CNPPD1: variants seen among roughly 807,000 people sequenced by gnomAD.
The protein encoded by CNPPD1 is protein CNPPD1.
A neutral mutation model predicts 43.7 loss-of-function variants in CNPPD1; 40 were observed. The ratio of observed to expected loss-of-function variants is 0.92; its 90% CI spans 0.71 to 1.19. CNPPD1 has a LOEUF of 1.19. Among genes scored for constraint, CNPPD1 ranks in the 50% most tolerant of loss-of-function variants. The pLI is 0.00. For missense variants in CNPPD1, 511 were observed against 518.5 expected (o/e 0.99, Z 0.14); for synonymous variants, 208 against 214.3 (o/e 0.97, Z 0.26).
At chr2:219,177,008 A>C (rs1950182494), upstream of CNPPD1, 3 of 555,364 alleles carry the variant, frequency 5.4e-6, no homozygotes, top group Non-Finnish European at 9.5e-6. Flanking sequence ...CCCGGGCTGA[A>C]CTGGGCGCCT....
Position 219,176,322 on chromosome 2 carries a change from C to T in CNPPD1, c.79G>A (p.Gly27Arg). ...AGFQDFTFLPGHQKLSARIRR... is the reference protein window; with the variant it reads ...AGFQDFTFLPRHQKLSARIRR... ...ATCCGGGCACTCAGCTTCTGGTGTC[C>T]TGGGAGGAACTGAAACAGGGCAGGG... is the stretch of plus-strand genomic sequence containing the variant. Residue 27 changes from glycine (G) to arginine (R), a missense_variant, in exon 2 of 8, where the codon GGA becomes AGA. Coordinates refer to ENST00000360507, the MANE Select transcript of CNPPD1 (RefSeq NM_015680.6). The T allele has an allele frequency of 6.2e-7, 1 of 1,613,270 alleles. No individual in the cohort carries two copies. The highest frequency in any genetic ancestry group is 8.5e-7 in the Non-Finnish European group (1 of 1,179,180).
intron 5 of CNPPD1, 35 bp from the exon 6 acceptor site, chr2:219,174,242 T>G: frequency 6.2e-7 from 1 of 1,600,802 alleles, no homozygotes; most frequent in Non-Finnish European, 8.6e-7. Context: ...AAACCAGACT[T>G]GGATGAGCCA....
At position 219,172,773 on chromosome 2, in the gene CNPPD1, C is replaced by G; in HGVS notation, c.1046G>C (p.Cys349Ser). ...CQKLQRDSPT[C>S]HACLHPNRTV... Reference sequence around the variant, plus strand: ...ACGGTTGGGGTGGAGGCAGGCATGGCAGGTTGGGGAGTCTCTCTGGAGCTT... The same window carrying G: ...ACGGTTGGGGTGGAGGCAGGCATGGGAGGTTGGGGAGTCTCTCTGGAGCTT... Residue 349 changes from cysteine (C) to serine (S), a missense_variant, in exon 8 of 8, where the codon TGC becomes TCC. Transcript: ENST00000360507. 1 of 1,607,708 alleles carries G rather than the reference C, an allele frequency of 6.2e-7. No individual in the cohort carries two copies. The highest frequency in any genetic ancestry group is 2.2e-5 in the East Asian group (1 of 44,796).
At chr2:219,173,996 GGACA>G (rs1418158986) in intron 6 of CNPPD1, 146 bp downstream of exon 6, 6 of 758,310 alleles carry the variant, frequency 7.9e-6, no homozygotes, top group Non-Finnish European at 1.4e-5. Flanking sequence ...ATGAAGAAGA[GGACA>G]GATGGGTCTG....
intron 1 of CNPPD1, 58 bp downstream of exon 1, chr2:219,176,702 C>G (rs554660407): frequency 1.5e-6 from 2 of 1,324,148 alleles, no homozygotes; most frequent in African/African-American, 1.5e-5. Context: ...CTCGCAGCGC[C>G]GCTCAGGCCG....
rs749426097 is a variant in CNPPD1, at chr2:219,172,842, G to A, written c.977C>T (p.Pro326Leu). The A allele has an allele frequency of 1.9e-6, 3 of 1,589,000 alleles. No individual in the cohort carries two copies. ...ATGAAGAAGAGTGGGAGGGGCAGGG[G>A]GGTCTGGGGGAGGCAATGGTGGAGG... is the stretch of plus-strand genomic sequence containing the variant. ...LTPPPLPPPD[P>L]PAPPTLLHNC... Residue 326 changes from proline to leucine, a missense_variant, in exon 8 of 8, where the codon CCC becomes CTC. Pro to Leu is a moderately conservative substitution (Grantham distance 98, BLOSUM62 -3). Transcript: ENST00000360507.
At chr2:219,178,055 G>A (rs1047715512), upstream of CNPPD1, 78 of 189,164 alleles carry the variant, frequency 4.1e-4, no homozygotes, top group African/African-American at 1.7e-3. Context: ...TAAGAAAACG[G>A]GCTCGACTGC....
In CNPPD1 at chr2:219,172,552, C is replaced by T. The variant is rs568037181; in HGVS notation, c.*34G>A. 9.3e-6 allele frequency: 15 copies of T among 1,611,132 alleles called. No homozygotes were observed. The East Asian group carries it at 2.7e-4, about 29-fold the overall frequency. On this transcript the variant is annotated 3_prime_UTR_variant, in exon 8 of 8. Transcript: ENST00000360507. Reference sequence around the variant, plus strand: ...TGCTCCTCCAGGTTCTCAGAAACTCCCAAACCCTCTTAATGCATTCCTCAC... The same window carrying T: ...TGCTCCTCCAGGTTCTCAGAAACTCTCAAACCCTCTTAATGCATTCCTCAC...
intron 3 of CNPPD1, 77 bp from the exon 4 acceptor site, chr2:219,175,185 C>CT: frequency 6.7e-7 from 1 of 1,487,550 alleles, no homozygotes; most frequent in Non-Finnish European, 8.9e-7. Flanking sequence ...TCGTTCCTGT[C>CT]TTTACCTCTT....
At chr2:219,173,171 C>T in intron 7 of CNPPD1, 43 bp from the exon 8 acceptor site, 14 of 1,519,166 alleles carry the variant, frequency 9.2e-6, no homozygotes, top group African/African-American at 1.4e-5. Flanking sequence ...GTCTTTAACA[C>T]ATTCACCCCT....
chr2:219,174,023 T>C (rs1574770298), intron 6 of CNPPD1, 123 bp downstream of exon 6: 2 of 938,586 alleles, frequency 2.1e-6, no homozygotes, highest in Admixed American at 1.8e-5. Flanking sequence ...AACCACTATC[T>C]GGGCAATTCT....
intron 2 of CNPPD1, among the ~76,000 whole-genome samples, chr2:219,175,967 A>G (rs1010009322): frequency 3.9e-5 from 6 of 152,244 alleles, no homozygotes; most frequent in Non-Finnish European, 8.8e-5. Flanking sequence ...TGGGGAACAT[A>G]TGATGGATAT....
chr2:219,172,775 G>C lies in CNPPD1; in HGVS notation c.1044C>G (p.Thr348=). 2 of 1,608,620 alleles carry C rather than the reference G, an allele frequency of 1.2e-6. No individual in the cohort carries two copies. The highest frequency in any genetic ancestry group is 1.7e-6 in the Non-Finnish European group (2 of 1,177,220). Residue 348 remains threonine (T), a synonymous_variant, in exon 8 of 8, where the codon ACC becomes ACG. Coordinates refer to ENST00000360507, the MANE Select transcript of CNPPD1 (RefSeq NM_015680.6). ...LCQKLQRDSP[T]CHACLHPNRT... The stretch of plus-strand genomic sequence containing the variant: ...GGTTGGGGTGGAGGCAGGCATGGCA[G>C]GTTGGGGAGTCTCTCTGGAGCTTCT...
In CNPPD1 at chr2:219,176,338, C is replaced by T. The variant is rs774537333; in HGVS notation, c.70-7G>A. On this transcript the variant is annotated splice_region_variant and splice_polypyrimidine_tract_variant and intron_variant, in intron 1 of 7. Coordinates refer to ENST00000360507, the MANE Select transcript of CNPPD1 (RefSeq NM_015680.6). ...TCTGGTGTCCTGGGAGGAACTGAAA[C>T]AGGGCAGGGGCAGCGGAGGGTGAAG... The T allele has an allele frequency of 7.5e-6, 12 of 1,601,378 alleles. No homozygotes were observed. The highest frequency in any genetic ancestry group is 3.3e-4 in the Middle Eastern group (2 of 6,036).
chr2:219,174,393 C>T (rs1950125268), intron 5 of CNPPD1, among the ~76,000 whole-genome samples, 186 bp from the exon 6 acceptor site: 2 of 152,282 alleles, frequency 1.3e-5, no homozygotes, highest in African/African-American at 4.8e-5. Context: ...CCTGGTTTCA[C>T]ATTATACTCT....
Position 219,173,131 on chromosome 2 carries a change from G to T in CNPPD1, c.691-3C>A. On this transcript the variant is annotated splice_region_variant and splice_polypyrimidine_tract_variant and intron_variant, in intron 7 of 7. Transcript: ENST00000360507. ...GCCACAGCTAACAGGCAAGACAGCT[G>T]CAGGAGAGGAGATAAGAAAGAAGGA... 6.4e-7 allele frequency: 1 copy of T among 1,566,038 alleles called. No homozygotes were observed.
rs1950082834 is a variant in CNPPD1 at position 219,172,318 on chromosome 2, G to A, written c.*268C>T. ...TAAAAAATCCCAGGGAGGCAGAGAG[G>A]GGCTTCTATGTCCATCTGGGACATG... On this transcript the variant is annotated 3_prime_UTR_variant, in exon 8 of 8. Coordinates refer to ENST00000360507, the MANE Select transcript of CNPPD1 (RefSeq NM_015680.6). The A allele has an allele frequency of 3.8e-6, 2 of 531,174 alleles. No homozygotes were observed. Among genetic ancestry groups the A allele is most frequent in the East Asian group, 6.7e-5 (2 of 29,666 alleles). The allele number at this position is 531,174 out of a possible 1,614,324, so 32.9% of individuals were successfully genotyped here. A position where few individuals can be genotyped will look rare whatever the true frequency, so the allele number is the denominator to read the frequency against.
chr2:219,176,154 C>G, intron 2 of CNPPD1, 69 bp downstream of exon 2: 1 of 1,184,460 alleles, frequency 8.4e-7, no homozygotes, highest in Non-Finnish European at 1.3e-6. Context: ...AAACCTCGAG[C>G]CATTTTCTGC....
upstream of CNPPD1, chr2:219,178,019 C>G (rs2106392704): frequency 6.1e-6 from 1 of 164,624 alleles, no homozygotes; most frequent in South Asian, 2.0e-4. Context: ...GCACCACACT[C>G]CCTAGCCGCC....
Sources: gnomAD v4.1 joint callset for allele counts (sites outside exome capture counted in the v4.1 genomes callset) on GRCh38, gnomAD v4.1.1 for gene constraint, MANE v1.5 for transcripts, NCBI Gene and HGNC (gene_info 2026-07-23, HGNC 2026-07-21) for gene names.